RBFOX1: variants seen among roughly 807,000 people sequenced by gnomAD.
The protein encoded by RBFOX1 is RNA binding protein fox-1 homolog 1.
RBFOX1 carries 8 observed loss-of-function variants against 57.7 expected under a neutral mutation model. That is an observed-to-expected ratio of 0.14 (90% CI 0.08 to 0.25). The LOEUF is 0.25. RBFOX1 is among the 10% of genes least tolerant of loss of function. The probability of loss-of-function intolerance (pLI) is 1.00; values close to 1 mark genes in which losing one functional copy is unlikely to be tolerated. For missense variants in RBFOX1, 611 were observed against 548.5 expected (o/e 1.11, Z -1.14); for synonymous variants, 326 against 222.4 (o/e 1.47, Z -4.15).
intron 4 of RBFOX1, among the ~76,000 whole-genome samples, chr16:7,434,446 C>T (rs1470122282): frequency 4.0e-5 from 6 of 151,370 alleles, no homozygotes; most frequent in East Asian, 2.0e-4. Flanking sequence ...CACTCCAGCC[C>T]GGGCGACAGA....
intron 4 of RBFOX1, among the ~76,000 whole-genome samples, chr16:7,095,456 T>C (rs1022287599): frequency 5.9e-5 from 9 of 152,218 alleles, no homozygotes; most frequent in African/African-American, 2.2e-4. Flanking sequence ...TCTTCCTTAA[T>C]AGAACTCATG....
intron 4 of RBFOX1, among the ~76,000 whole-genome samples, chr16:7,432,086 G>C (rs2098686600): frequency 6.6e-6 from 1 of 152,192 alleles, no homozygotes; most frequent in South Asian, 2.1e-4. Flanking sequence ...GGGGCAGATG[G>C]GTCTTCAGAT....
At chr16:6,110,973 A>G (rs192421701) in intron 1 of RBFOX1, among the ~76,000 whole-genome samples, 2 of 152,272 alleles carry the variant, frequency 1.3e-5, no homozygotes, top group Admixed American at 6.5e-5. Context: ...ACAGTATTTC[A>G]AGGAAGTCAT....
At chr16:7,083,256 C>T (rs1337729236) in intron 4 of RBFOX1, among the ~76,000 whole-genome samples, 2 of 151,976 alleles carry the variant, frequency 1.3e-5, no homozygotes, top group African/African-American at 2.4e-5. Flanking sequence ...TGTAACACCT[C>T]CCACACTTGA....
intron 1 of RBFOX1, among the ~76,000 whole-genome samples, chr16:6,289,593 C>T (rs111309308): frequency 7.4e-4 from 112 of 152,164 alleles, no homozygotes; most frequent in Non-Finnish European, 1.1e-3. Context: ...AGTGTCTTTC[C>T]GTCCTCTAGC....
chr16:5,297,986 G>A (rs1399260287), intron 1 of RBFOX1, among the ~76,000 whole-genome samples: 3 of 152,138 alleles, frequency 2.0e-5, no homozygotes, highest in Non-Finnish European at 4.4e-5. Context: ...GTAGGCAACA[G>A]TGTCCAGCTA....
rs367557126 is a variant in RBFOX1, at chr16:7,606,891, A to G, written c.623-394A>G. ...TGCTGCCAAGAATTTTGTTTATGCA[A>G]GCTTTCTAATTTTTGTGAACTTAAT... On this transcript the variant is annotated intron_variant, in intron 9 of 15. Transcript: ENST00000550418. Among the ~76,000 whole-genome samples the G allele has an allele frequency of 7.1e-4, 108 of 152,334 alleles. 1 individual carries two copies. Among genetic ancestry groups the G allele is most frequent in the African/African-American group, 2.4e-3 (98 of 41,572 alleles).
chr16:7,342,481 C>T (rs778264086), intron 4 of RBFOX1, among the ~76,000 whole-genome samples: 13 of 152,192 alleles, frequency 8.5e-5, no homozygotes, highest in Non-Finnish European at 1.0e-4. Context: ...ATTGTACCAA[C>T]GCCACAACTG....
intron 1 of RBFOX1, among the ~76,000 whole-genome samples, chr16:5,412,841 G>A (rs1420668182): frequency 6.6e-6 from 1 of 152,224 alleles, no homozygotes; most frequent in East Asian, 1.9e-4. Context: ...ACATTTTTGG[G>A]AAGGATCCAG....
At chr16:5,415,950 A>T (rs1490450194) in intron 1 of RBFOX1, among the ~76,000 whole-genome samples, 2 of 152,158 alleles carry the variant, frequency 1.3e-5, no homozygotes, top group Non-Finnish European at 2.9e-5. Context: ...ATGTGTGTGG[A>T]CTCAGAGACC....
intron 4 of RBFOX1, among the ~76,000 whole-genome samples, chr16:7,200,449 T>C (rs1298580729): frequency 2.0e-5 from 3 of 152,178 alleles, no homozygotes; most frequent in Admixed American, 6.5e-5. Context: ...TTATTGCACC[T>C]CTATTTATGG....
At chr16:5,697,376 T>A (rs1317414731) in intron 3 of RBFOX1, among the ~76,000 whole-genome samples, 1 of 151,168 alleles carries the variant, frequency 6.6e-6, no homozygotes, top group Admixed American at 6.6e-5. Context: ...GAATAATATG[T>A]AGCATATATG....
intron 2 of RBFOX1, among the ~76,000 whole-genome samples, chr16:6,443,169 C>T (rs1026484862): frequency 2.6e-5 from 4 of 152,136 alleles, no homozygotes; most frequent in African/African-American, 9.7e-5. Context: ...GTATCCCTTC[C>T]ATGTATATGA....
chr16:5,561,955 A>G (rs2045904650), intron 2 of RBFOX1, among the ~76,000 whole-genome samples: 1 of 152,162 alleles, frequency 6.6e-6, no homozygotes, highest in African/African-American at 2.4e-5. Flanking sequence ...TTCCCCTGTC[A>G]TCGGTTCATT....
intron 4 of RBFOX1, among the ~76,000 whole-genome samples, chr16:7,273,870 C>G (rs1172047862): frequency 6.6e-6 from 1 of 152,168 alleles, no homozygotes; most frequent in South Asian, 2.1e-4. Flanking sequence ...ATTTCATTAT[C>G]TGCCATACGT....
At chr16:7,188,295 G>A (rs936546287) in intron 4 of RBFOX1, among the ~76,000 whole-genome samples, 5 of 152,222 alleles carry the variant, frequency 3.3e-5, no homozygotes, top group African/African-American at 1.2e-4. Flanking sequence ...AAGTTAAAAT[G>A]AAGAAACTGT....
At chr16:7,341,791 C>T (rs1379038037) in intron 4 of RBFOX1, among the ~76,000 whole-genome samples, 1 of 83,090 alleles carries the variant, frequency 1.2e-5, no homozygotes, top group Non-Finnish European at 2.5e-5. Flanking sequence ...TCCTTCCTTC[C>T]TTCCTTCCTT....
chr16:6,395,214 T>C (rs745558824), intron 2 of RBFOX1, among the ~76,000 whole-genome samples: 23 of 152,250 alleles, frequency 1.5e-4, no homozygotes, highest in Non-Finnish European at 2.8e-4. Flanking sequence ...GGATTTTTTT[T>C]GTCAAAGAAA....
intron 2 of RBFOX1, among the ~76,000 whole-genome samples, chr16:5,492,077 G>T (rs1367689377): frequency 6.6e-6 from 1 of 152,126 alleles, no homozygotes; most frequent in Non-Finnish European, 1.5e-5. Context: ...ACACTCTCGG[G>T]CTCTGTCCTA....
Sources: allele counts gnomAD v4.1 joint callset (sites outside exome capture counted in the v4.1 genomes callset), GRCh38; gene constraint gnomAD v4.1.1; transcripts MANE v1.5; gene names NCBI Gene and HGNC (gene_info 2026-07-23, HGNC 2026-07-21).